Variants in BMP6 observed in about 807,000 individuals in gnomAD.
The protein encoded by BMP6 is VG-1-R.
In BMP6, 17 loss-of-function variants were observed where a neutral mutation model predicts 54.1. The observed-to-expected ratio is 0.31, with a 90% CI of 0.22 to 0.47. The LOEUF (loss-of-function observed/expected upper bound fraction) is 0.47. Among genes scored for constraint, BMP6 ranks in the 20% least tolerant of loss-of-function variants. The pLI is 1.00. For missense variants in BMP6, 720 were observed against 690.4 expected, an observed-to-expected ratio of 1.04 and a Z score of -0.48; for synonymous variants, 328 against 291.2, an observed-to-expected ratio of 1.13 and a Z score of -1.28.
At chr6:7,821,926 C>G (rs1047456611) in intron 1 of BMP6, among the ~76,000 whole-genome samples, 1 of 152,180 alleles carries the variant, frequency 6.6e-6, no homozygotes, top group African/African-American at 2.4e-5. Flanking sequence ...GAGATTTAAC[C>G]TAAAATAGGG....
Position 7,813,515 on chromosome 6 carries a change from T to C in BMP6, c.665-31625T>C, listed in dbSNP as rs371308920. ...AAAACTAGCTGAGCATGGTGGCATGTGCCTGTAGTCTCAGCTACTAGGGAG... is the reference window on the plus strand; with the variant it reads ...AAAACTAGCTGAGCATGGTGGCATGCGCCTGTAGTCTCAGCTACTAGGGAG... On this transcript the variant is annotated intron_variant, in intron 1 of 6. Transcript: ENST00000283147. 2.4e-3 allele frequency among the ~76,000 whole-genome samples: 352 copies of C among 144,770 alleles called. 3 individuals are homozygous for C. Among genetic ancestry groups the C allele is most frequent in the African/African-American group, 8.5e-3 (334 of 39,254 alleles). The allele number at this position is 144,770 out of a possible 152,430, so 95.0% of individuals were successfully genotyped here. A position where few individuals can be genotyped will look rare whatever the true frequency, so the allele number is the denominator to read the frequency against.
chr6:7,880,359 T>G lies in BMP6; in HGVS notation c.*16T>G, dbSNP rs1759696204. On this transcript the variant is annotated 3_prime_UTR_variant, in exon 7 of 7. Coordinates refer to ENST00000283147, the MANE Select transcript of BMP6 (RefSeq NM_001718.6). ...ATGCCACTAACTCGAAACCAGATGC[T>G]GGGGACACACATTCTGCCTTGGATT... The G allele has an allele frequency of 1.2e-6, 2 of 1,613,694 alleles. No homozygotes were observed. The highest frequency in any genetic ancestry group is 1.7e-6 in the Non-Finnish European group (2 of 1,179,724).
chr6:7,733,365 T>C (rs896056891), intron 1 of BMP6, among the ~76,000 whole-genome samples: 1 of 152,230 alleles, frequency 6.6e-6, no homozygotes, highest in Non-Finnish European at 1.5e-5. Flanking sequence ...ATATTTTAAT[T>C]AGACAATTTT....
chr6:7,744,679 A>G (rs1757320617), intron 1 of BMP6, among the ~76,000 whole-genome samples: 1 of 152,194 alleles, frequency 6.6e-6, no homozygotes, highest in South Asian at 2.1e-4. Context: ...CATTACTAGA[A>G]AGTTCCCTCA....
At chr6:7,734,684 C>T (rs1164529707) in intron 1 of BMP6, among the ~76,000 whole-genome samples, 2 of 152,236 alleles carry the variant, frequency 1.3e-5, no homozygotes, top group South Asian at 2.1e-4. Flanking sequence ...CCACGTTGCT[C>T]TGAGTGGCAT....
intron 1 of BMP6, among the ~76,000 whole-genome samples, chr6:7,752,946 A>G (rs1757449033): frequency 6.6e-6 from 1 of 152,158 alleles, no homozygotes; most frequent in Admixed American, 6.5e-5. Flanking sequence ...TCCAGGGATC[A>G]AGAAACTGGG....
intron 1 of BMP6, among the ~76,000 whole-genome samples, chr6:7,793,832 G>A (rs909642106): frequency 1.3e-5 from 2 of 152,164 alleles, no homozygotes; most frequent in African/African-American, 2.4e-5. Context: ...ATATCCACGG[G>A]CTGTCAGTCT....
chr6:7,802,536 G>C (rs569694661), intron 1 of BMP6, among the ~76,000 whole-genome samples: 1 of 152,218 alleles, frequency 6.6e-6, no homozygotes, highest in African/African-American at 2.4e-5. Flanking sequence ...CAGGCCCACC[G>C]TTCAGCATGA....
rs77022839 is a variant in BMP6 at position 7,775,931 on chromosome 6, G to A, written c.664+48312G>A. On this transcript the variant is annotated intron_variant, in intron 1 of 6. Coordinates refer to ENST00000283147, the MANE Select transcript of BMP6 (RefSeq NM_001718.6). Reference sequence around the variant, plus strand: ...GTTTGTTTTCAAATAACTTTACTTCGCACTCATTCTACTTACATTAGAATG... The same window carrying A: ...GTTTGTTTTCAAATAACTTTACTTCACACTCATTCTACTTACATTAGAATG... 2.6e-4 allele frequency among the ~76,000 whole-genome samples: 40 copies of A among 152,148 alleles called. No homozygotes were observed. In the East Asian group the frequency reaches 6.7e-3, roughly 26 times the overall value.
At chr6:7,764,940 G>A (rs893511152) in intron 1 of BMP6, among the ~76,000 whole-genome samples, 1 of 152,142 alleles carries the variant, frequency 6.6e-6, no homozygotes, top group East Asian at 1.9e-4. Context: ...TTCCCTTCAT[G>A]CCTTCATTTA....
chr6:7,756,187 C>T (rs943286081), intron 1 of BMP6, among the ~76,000 whole-genome samples: 4 of 152,182 alleles, frequency 2.6e-5, no homozygotes, highest in African/African-American at 7.2e-5. Flanking sequence ...TCTCACGCTT[C>T]AGTGTTTTGT....
At chr6:7,757,003 T>C (rs1178496578) in intron 1 of BMP6, among the ~76,000 whole-genome samples, 1 of 152,198 alleles carries the variant, frequency 6.6e-6, no homozygotes, top group Non-Finnish European at 1.5e-5. Context: ...TGTAGATCTT[T>C]GGAGCGCTCT....
intron 1 of BMP6, among the ~76,000 whole-genome samples, chr6:7,750,064 C>T (rs1757400186): frequency 6.6e-6 from 1 of 152,168 alleles, no homozygotes. Context: ...AGACAGGATG[C>T]TTAAGGGTGG....
intron 1 of BMP6, among the ~76,000 whole-genome samples, chr6:7,791,696 T>C (rs929631877): frequency 1.3e-5 from 2 of 152,096 alleles, no homozygotes; most frequent in Non-Finnish European, 2.9e-5. Flanking sequence ...GTGACCCCCA[T>C]GCCTGCCACT....
chr6:7,787,511 A>T (rs1163232123), intron 1 of BMP6, among the ~76,000 whole-genome samples: 1 of 152,192 alleles, frequency 6.6e-6, no homozygotes, highest in East Asian at 1.9e-4. Flanking sequence ...GCAGGCTGCA[A>T]AAAAAGCTCG....
chr6:7,873,420 A>C (rs1431541122), intron 4 of BMP6, among the ~76,000 whole-genome samples: 2 of 152,186 alleles, frequency 1.3e-5, no homozygotes, highest in East Asian at 1.9e-4. Context: ...GGGTGGTTGG[A>C]GCTTCCACAC....
At chr6:7,773,735 C>G (rs1260135872) in intron 1 of BMP6, among the ~76,000 whole-genome samples, 1 of 152,174 alleles carries the variant, frequency 6.6e-6, no homozygotes. Context: ...TTAATTGAAT[C>G]ATGTACATGG....
intron 1 of BMP6, among the ~76,000 whole-genome samples, chr6:7,825,428 T>C (rs1019882239): frequency 3.3e-5 from 5 of 152,162 alleles, no homozygotes; most frequent in African/African-American, 7.2e-5. Context: ...TATAAAACTT[T>C]AGTGGTTTTA....
In BMP6 at chr6:7,818,916, T is replaced by G. The variant is rs182991015; in HGVS notation, c.665-26224T>G. 7.2e-5 allele frequency among the ~76,000 whole-genome samples: 11 copies of G among 152,266 alleles called. No individual in the cohort carries two copies. The East Asian group carries it at 2.1e-3, about 29-fold the overall frequency. On this transcript the variant is annotated intron_variant, in intron 1 of 6. Transcript: ENST00000283147. ...GATTGCATTTTATAAACACGTGAAA[T>G]TGGCAAGACATTCTTTCCAGATTTC...
Sources: gnomAD v4.1 joint callset for allele counts (sites outside exome capture counted in the v4.1 genomes callset) on GRCh38, gnomAD v4.1.1 for gene constraint, MANE v1.5 for transcripts, NCBI Gene and HGNC (gene_info 2026-07-23, HGNC 2026-07-21) for gene names.